SVIL: variants seen among roughly 807,000 people sequenced by gnomAD.
SVIL encodes the protein archvillin.
SVIL carries 101 observed loss-of-function variants against 240.4 expected under a neutral mutation model. That is an observed-to-expected ratio of 0.42 (90% confidence interval 0.36 to 0.50). The LOEUF is 0.50. Ranked by LOEUF, SVIL falls within the 20% of genes least tolerant of loss-of-function variation. SVIL has a pLI of 0.01. For synonymous variants in SVIL, 999 were observed against 1,100.0 expected (o/e 0.91, Z 1.82); for missense variants, 2,512 against 2,818.7 (o/e 0.89, Z 2.46).
intron 6 of SVIL, among the ~76,000 whole-genome samples, chr10:29,538,500 A>T (rs1951897602): frequency 6.6e-6 from 1 of 152,238 alleles, no homozygotes; most frequent in African/African-American, 2.4e-5. Flanking sequence ...GGCATTCAGG[A>T]GAGCCTGTGC....
chr10:29,677,728 A>C (rs181236787), intron 2 of SVIL, among the ~76,000 whole-genome samples: 8 of 152,224 alleles, frequency 5.3e-5, no homozygotes, highest in Admixed American at 4.6e-4. Flanking sequence ...GCGAGGATAC[A>C]TTTTCATTGG....
intron 1 of SVIL, among the ~76,000 whole-genome samples, chr10:29,572,960 A>C (rs1955514495): frequency 6.6e-6 from 1 of 152,112 alleles, no homozygotes; most frequent in Non-Finnish European, 1.5e-5. Flanking sequence ...CAGTTATCTA[A>C]AAGAATCTAA....
intron 3 of SVIL, among the ~76,000 whole-genome samples, chr10:29,652,018 A>AACACACAC (rs57155637): frequency 2.0e-5 from 3 of 149,976 alleles, no homozygotes; most frequent in South Asian, 4.2e-4. Context: ...CACACACACA[A>AACACACAC]ACACACACAC....
Position 29,533,174 on chromosome 10 carries a change from G to T in SVIL, c.1193C>A (p.Thr398Asn). The change falls in exon 8 of 38, where the codon ACC becomes AAC. Residue 398 changes from threonine (T) to asparagine (N), a missense_variant. Thr to Asn is a moderately conservative substitution (Grantham distance 65). Around this residue, in one of 3 missense-constraint regions of SVIL, gnomAD observed 1,443 missense variants for 1,486.6 expected, o/e 0.97. Transcript: ENST00000355867. ...ASECSWVASA[T>N]QNVPKPPSLT... Reference sequence around the variant, plus strand: ...GCTGGGAGGTTTGGGGACATTCTGGGTGGCTGATGCTACCCAGCTACACTC... The same window carrying T: ...GCTGGGAGGTTTGGGGACATTCTGGTTGGCTGATGCTACCCAGCTACACTC... The T allele has an allele frequency of 6.2e-7, 1 of 1,614,096 alleles. No individual in the cohort carries two copies. The highest frequency in any genetic ancestry group is 8.5e-7 in the Non-Finnish European group (1 of 1,180,030).
At chr10:29,672,271 T>C (rs550730102) in intron 2 of SVIL, among the ~76,000 whole-genome samples, 19 of 152,336 alleles carry the variant, frequency 1.2e-4, no homozygotes, top group African/African-American at 4.3e-4. Context: ...GACTGTATGG[T>C]CCACAAAACC....
At chr10:29,458,813 A>T in intron 36 of SVIL, 1 of 336,766 alleles carries the variant, frequency 3.0e-6, no homozygotes, top group Non-Finnish European at 5.2e-6. Flanking sequence ...AAATTAAAAA[A>T]TGGTATTTTT....
intron 1 of SVIL, among the ~76,000 whole-genome samples, chr10:29,700,043 T>G (rs544491341): frequency 6.6e-6 from 1 of 152,282 alleles, no homozygotes; most frequent in Admixed American, 6.5e-5. Flanking sequence ...AGTGAAAAAG[T>G]AAGATATGAC....
At chr10:29,564,893 A>G (rs938114089) in intron 2 of SVIL, among the ~76,000 whole-genome samples, 3 of 152,362 alleles carry the variant, frequency 2.0e-5, no homozygotes, top group Admixed American at 6.5e-5. Context: ...TAAACACTGA[A>G]TTGTAAGGCA....
intron 1 of SVIL, among the ~76,000 whole-genome samples, chr10:29,705,578 T>C (rs978850488): frequency 6.6e-6 from 1 of 152,096 alleles, no homozygotes; most frequent in African/African-American, 2.4e-5. Flanking sequence ...TATCAACCCA[T>C]CATCTAGGTT....
intron 6 of SVIL, among the ~76,000 whole-genome samples, chr10:29,541,112 C>A (rs1952119527): frequency 6.6e-6 from 1 of 152,134 alleles, no homozygotes; most frequent in Non-Finnish European, 1.5e-5. Context: ...TGGTTATTTT[C>A]CTCTTTTATT....
chr10:29,510,326 C>CAT (rs1949737529), intron 17 of SVIL, among the ~76,000 whole-genome samples: 1 of 152,008 alleles, frequency 6.6e-6, no homozygotes, highest in African/African-American at 2.4e-5. Flanking sequence ...CTTTATCGTA[C>CAT]TTTTTTAATG....
chr10:29,591,767 C>T (rs927404161), intron 1 of SVIL, among the ~76,000 whole-genome samples: 1 of 152,206 alleles, frequency 6.6e-6, no homozygotes, highest in Non-Finnish European at 1.5e-5. Flanking sequence ...CTTATGTCAT[C>T]GGCCTTGCTG....
At chr10:29,728,020 T>G (rs1964395001) in intron 1 of SVIL, among the ~76,000 whole-genome samples, 2 of 152,182 alleles carry the variant, frequency 1.3e-5, no homozygotes, top group Admixed American at 1.3e-4. Flanking sequence ...GATTTCCTAA[T>G]ACCTACTCTC....
chr10:29,461,371 A>ATCAAG (rs768630996), intron 36 of SVIL, among the ~76,000 whole-genome samples: 2 of 152,156 alleles, frequency 1.3e-5, no homozygotes, highest in African/African-American at 2.4e-5. Flanking sequence ...CCCTGTGTAC[A>ATCAAG]TCAAGTCCAT....
chr10:29,629,943 G>A (rs1958021555), intron 1 of SVIL, among the ~76,000 whole-genome samples: 1 of 148,932 alleles, frequency 6.7e-6, no homozygotes, highest in Non-Finnish European at 1.5e-5. Context: ...TCATGCCATT[G>A]CATTCCAACC....
chr10:29,466,580 G>T (rs1172681565), intron 33 of SVIL, among the ~76,000 whole-genome samples: 2 of 152,218 alleles, frequency 1.3e-5, no homozygotes, highest in East Asian at 3.9e-4. Context: ...TTGTATAAGG[G>T]AGAAAAATCA....
rs78513391 is a variant in SVIL at position 29,581,786 on chromosome 10, G to A, written c.-200-12474C>T. ...AAAATTCAGGTACCTCAGAGGAAGA[G>A]AGAATGGTCAGCTGATTGTCAGAAA... On this transcript the variant is annotated intron_variant, in intron 1 of 37. Transcript: ENST00000355867. 9.8e-4 allele frequency among the ~76,000 whole-genome samples: 150 copies of A among 152,338 alleles called. 1 individual carries two copies. In the East Asian group the frequency reaches 0.025, roughly 25 times the overall value.
intron 17 of SVIL, among the ~76,000 whole-genome samples, chr10:29,502,638 A>G (rs559714798): frequency 7.4e-4 from 113 of 152,146 alleles, no homozygotes; most frequent in African/African-American, 2.6e-3. Context: ...AGAGGGTGGA[A>G]GAGAAATTGA....
chr10:29,683,882 A>C (rs1437165196), intron 2 of SVIL, among the ~76,000 whole-genome samples: 1 of 152,130 alleles, frequency 6.6e-6, no homozygotes, highest in Non-Finnish European at 1.5e-5. Flanking sequence ...CCTCACTCTG[A>C]ATAGCCTCTC....
Sources: allele counts gnomAD v4.1 joint callset (sites outside exome capture counted in the v4.1 genomes callset), GRCh38; gene constraint gnomAD v4.1.1; regional missense constraint gnomAD v4.1.1; transcripts MANE v1.5; gene names NCBI Gene and HGNC (gene_info 2026-07-23, HGNC 2026-07-21).